The following ETV6 variants were observed in gnomAD, a reference collection of about 807,000 sequenced individuals.
ETV6 encodes transcription factor ETV6.
A neutral mutation model predicts 51.1 loss-of-function variants in ETV6; 16 were observed. The ratio of observed to expected loss-of-function variants is 0.31; its 90% CI spans 0.21 to 0.48. The LOEUF is 0.48. Among genes scored for constraint, ETV6 ranks in the 20% least tolerant of loss-of-function variants. The pLI is 0.99. For synonymous variants in ETV6, 240 were observed against 224.1 expected (o/e 1.07, Z -0.64); for missense variants, 458 against 594.8 (o/e 0.77, Z 2.39).
At chr12:11,803,476 G>A (rs1335808177) in intron 2 of ETV6, among the ~76,000 whole-genome samples, 1 of 152,142 alleles carries the variant, frequency 6.6e-6, no homozygotes, top group African/African-American at 2.4e-5. Context: ...TAAAAATTAT[G>A]TGAATTTTCT....
chr12:11,760,878 ATGTGTGTG>A (rs59373097), intron 2 of ETV6, among the ~76,000 whole-genome samples: 168 of 148,524 alleles, frequency 1.1e-3, no homozygotes, highest in African/African-American at 3.2e-3. Flanking sequence ...TATTATATAT[ATGTGTGTG>A]TGTGTGTGTG....
intron 2 of ETV6, among the ~76,000 whole-genome samples, chr12:11,789,412 C>G (rs1313812494): frequency 1.3e-5 from 2 of 152,168 alleles, no homozygotes; most frequent in Admixed American, 1.3e-4. Context: ...CTCAGTAGTT[C>G]AGATGCCATA....
intron 1 of ETV6, among the ~76,000 whole-genome samples, chr12:11,696,614 C>G (rs1327813764): frequency 6.6e-6 from 1 of 152,060 alleles, no homozygotes; most frequent in African/African-American, 2.4e-5. Context: ...GTCAGGAGTT[C>G]GATACCAGCC....
At position 11,748,823 on chromosome 12, in the gene ETV6, G is replaced by A. The variant is rs547279815; in HGVS notation, c.34-3627G>A. ...ATGGCTAGGGGAGAAATGGGAGAGG[G>A]AACGCAGCTCATTTTGGCTTCAGTC... On this transcript the variant is annotated intron_variant, in intron 1 of 7. Transcript: ENST00000396373. Among the ~76,000 whole-genome samples the A allele has an allele frequency of 5.3e-5, 8 of 152,202 alleles. No homozygotes were observed. In the East Asian group the frequency reaches 1.4e-3, roughly 26 times the overall value.
intron 2 of ETV6, among the ~76,000 whole-genome samples, chr12:11,834,817 G>T (rs556668859): frequency 6.6e-6 from 1 of 152,262 alleles, no homozygotes; most frequent in South Asian, 2.1e-4. Context: ...AAATTAAATA[G>T]GAGCATATTG....
chr12:11,827,232 A>G (rs1262022108), intron 2 of ETV6, among the ~76,000 whole-genome samples: 1 of 152,052 alleles, frequency 6.6e-6, no homozygotes, highest in Non-Finnish European at 1.5e-5. Context: ...TGTGTGTCAC[A>G]GCAGTCTGCC....
In ETV6 at chr12:11,869,572, C is replaced by A. The variant is rs770038030; in HGVS notation, c.612C>A (p.Pro204=). Residue 204 remains proline (P), a synonymous_variant, in exon 5 of 8, where the codon CCC becomes CCA. Transcript: ENST00000396373. This position sits in a 1 kb window ranked among gnomAD's most constrained non-coding sequence, Gnocchi z 5.0. ...CCGAGCAGCGGCCCCTCCGGTCCCC[C>A]CTGGACAACATGATCCGCCGCCTCT... The part of the protein sequence containing the change: ...PDPEQRPLRS[P]LDNMIRRLSP... 16 of 1,614,064 alleles carry A rather than the reference C, an allele frequency of 9.9e-6. No homozygotes were observed. The highest frequency in any genetic ancestry group is 9.3e-5 in the African/African-American group (7 of 74,920).
At chr12:11,683,689 A>C (rs1565484778) in intron 1 of ETV6, among the ~76,000 whole-genome samples, 1 of 152,146 alleles carries the variant, frequency 6.6e-6, no homozygotes, top group Non-Finnish European at 1.5e-5. Context: ...TGATTCCCAT[A>C]CCTCAAGGAA....
At chr12:11,736,516 A>C (rs1487442602) in intron 1 of ETV6, among the ~76,000 whole-genome samples, 1 of 152,238 alleles carries the variant, frequency 6.6e-6, no homozygotes, top group Non-Finnish European at 1.5e-5. Context: ...CTGGTTCTGA[A>C]AGATCTGAAA....
intron 1 of ETV6, among the ~76,000 whole-genome samples, chr12:11,724,322 G>A (rs1050596848): frequency 6.6e-6 from 1 of 152,154 alleles, no homozygotes; most frequent in Non-Finnish European, 1.5e-5. Flanking sequence ...GTATGGTTTG[G>A]GAGAAAGCTG....
chr12:11,754,292 G>A (rs1944973580), intron 2 of ETV6, among the ~76,000 whole-genome samples: 1 of 152,046 alleles, frequency 6.6e-6, no homozygotes, highest in Non-Finnish European at 1.5e-5. Context: ...TGCTCTTGTG[G>A]AACTTAAATT....
At chr12:11,813,960 C>G (rs964002336) in intron 2 of ETV6, among the ~76,000 whole-genome samples, 2 of 152,200 alleles carry the variant, frequency 1.3e-5, no homozygotes, top group Non-Finnish European at 2.9e-5. Flanking sequence ...TAAATTCTTA[C>G]AAGGCATGAA....
intron 1 of ETV6, among the ~76,000 whole-genome samples, chr12:11,713,656 G>T (rs997509086): frequency 1.3e-5 from 2 of 152,140 alleles, no homozygotes; most frequent in Admixed American, 1.3e-4. Context: ...TAAATAAAAT[G>T]ATATAATATC....
At position 11,842,966 on chromosome 12, in the gene ETV6, A is replaced by T. The variant is rs867500400; in HGVS notation, c.328+3662A>T. ...AAAACTTGTCCTGATCTGCAGTTGG[A>T]CATCTAAAACAAGAGGCAGGCCAGG... On this transcript the variant is annotated intron_variant, in intron 3 of 7. Coordinates refer to ENST00000396373, the MANE Select transcript of ETV6 (RefSeq NM_001987.5). 2.0e-4 allele frequency among the ~76,000 whole-genome samples: 31 copies of T among 152,364 alleles called. No individual in the cohort carries two copies. In the South Asian group the frequency reaches 4.1e-3, roughly 20 times the overall value.
chr12:11,815,288 G>T (rs1256481612), intron 2 of ETV6, among the ~76,000 whole-genome samples: 1 of 152,158 alleles, frequency 6.6e-6, no homozygotes, highest in African/African-American at 2.4e-5. Flanking sequence ...TCCAAGCAAG[G>T]CAGGGGGCAA....
chr12:11,802,517 C>G (rs1202636706), intron 2 of ETV6, among the ~76,000 whole-genome samples: 1 of 152,222 alleles, frequency 6.6e-6, no homozygotes, highest in African/African-American at 2.4e-5. Flanking sequence ...ATTTTCAGCT[C>G]TCACTTATGA....
chr12:11,671,157 G>T (rs909984982), intron 1 of ETV6, among the ~76,000 whole-genome samples: 2 of 152,182 alleles, frequency 1.3e-5, no homozygotes, highest in Non-Finnish European at 2.9e-5. Context: ...GGAAATTAGG[G>T]TTCTAGCTTA....
intron 1 of ETV6, among the ~76,000 whole-genome samples, chr12:11,706,263 T>C (rs891965114): frequency 3.3e-5 from 5 of 152,210 alleles, no homozygotes; most frequent in Admixed American, 1.3e-4. Context: ...ATAATAACCG[T>C]GTGAGAAAAG....
At chr12:11,673,129 C>G (rs1168082831) in intron 1 of ETV6, among the ~76,000 whole-genome samples, 1 of 152,126 alleles carries the variant, frequency 6.6e-6, no homozygotes, top group Non-Finnish European at 1.5e-5. Flanking sequence ...GCTCTCGCAG[C>G]GGGCCATTTG....
Sources: allele counts gnomAD v4.1 joint callset (sites outside exome capture counted in the v4.1 genomes callset), GRCh38; gene constraint gnomAD v4.1.1; non-coding constraint Gnocchi (gnomAD v3.1); transcripts MANE v1.5; gene names NCBI Gene and HGNC (gene_info 2026-07-23, HGNC 2026-07-21).